Variants in NUDT3 observed in about 807,000 individuals in gnomAD.
The protein encoded by NUDT3 is diphosphoinositol polyphosphate phosphohydrolase 1.
Under a neutral mutation model 23.6 loss-of-function variants are expected in NUDT3, and 9 were observed. The ratio of observed to expected loss-of-function variants is 0.38; its 90% CI spans 0.23 to 0.66. NUDT3 has a LOEUF of 0.66. Among genes scored for constraint, NUDT3 ranks in the 30% least tolerant of loss-of-function variants. NUDT3 has a pLI of 0.52. For missense variants in NUDT3, 172 were observed against 218.5 expected (o/e 0.79, Z 1.34); for synonymous variants, 86 against 82.6 (o/e 1.04, Z -0.22).
intron 2 of NUDT3, among the ~76,000 whole-genome samples, chr6:34,336,826 G>C (rs543337574): frequency 1.3e-5 from 2 of 151,950 alleles, no homozygotes; most frequent in East Asian, 3.9e-4. Context: ...TCAACTAATT[G>C]GTATAGAGGT....
At chr6:34,382,805 T>C (rs1453539400) in intron 1 of NUDT3, among the ~76,000 whole-genome samples, 2 of 151,314 alleles carry the variant, frequency 1.3e-5, no homozygotes, top group Non-Finnish European at 2.9e-5. Flanking sequence ...CACACCAACC[T>C]GGATGACAGA....
At chr6:34,297,732 T>A (rs900283302) in intron 2 of NUDT3, among the ~76,000 whole-genome samples, 5,394 of 27,282 alleles carry the variant, frequency 0.2, 355 homozygotes, top group East Asian at 0.49. Flanking sequence ...AAAAAAAAAA[T>A]ATATATATAT....
At position 34,288,110 on chromosome 6, in the gene NUDT3, T is replaced by C. The variant is rs202236558; in HGVS notation, c.*643A>G. ...GAAATAGAGAAAGGACAGGGCAACC[T>C]GCCCAGCCACTAGCATCGAAAACAA... On this transcript the variant is annotated 3_prime_UTR_variant, in exon 5 of 5. Coordinates refer to ENST00000607016, the MANE Select transcript of NUDT3 (RefSeq NM_006703.4). 3.3e-5 allele frequency: 5 copies of C among 152,142 alleles called. No individual in the cohort carries two copies. Among genetic ancestry groups the C allele is most frequent in the Non-Finnish European group, 7.4e-5 (5 of 68,006 alleles). 9.4% of individuals were successfully genotyped at this position (152,142 alleles called of 1,614,324 possible). A position where few individuals can be genotyped will look rare whatever the true frequency, so the allele number is the denominator to read the frequency against.
intron 1 of NUDT3, among the ~76,000 whole-genome samples, chr6:34,356,690 A>C (rs572821591): frequency 2.0e-5 from 3 of 151,676 alleles, no homozygotes; most frequent in Admixed American, 2.0e-4. Context: ...TTTGGGGAAT[A>C]ATGACAAACT....
At chr6:34,347,409 C>T (rs931586110) in intron 1 of NUDT3, among the ~76,000 whole-genome samples, 5 of 152,058 alleles carry the variant, frequency 3.3e-5, no homozygotes, top group African/African-American at 7.2e-5. Context: ...GTGATATCTA[C>T]GCAGAAGTGG....
intron 2 of NUDT3, among the ~76,000 whole-genome samples, chr6:34,306,034 A>G (rs1324495422): frequency 6.6e-6 from 1 of 152,088 alleles, no homozygotes; most frequent in Non-Finnish European, 1.5e-5. Flanking sequence ...TATGTGCTCA[A>G]TCTTGTTAAT....
intron 1 of NUDT3, among the ~76,000 whole-genome samples, chr6:34,360,023 G>A (rs557714955): frequency 6.6e-6 from 1 of 152,174 alleles, no homozygotes; most frequent in Non-Finnish European, 1.5e-5. Flanking sequence ...GAGTCCAGGA[G>A]TTGGAGACCA....
At chr6:34,309,018 C>T (rs1763726537) in intron 2 of NUDT3, among the ~76,000 whole-genome samples, 1 of 152,148 alleles carries the variant, frequency 6.6e-6, no homozygotes, top group South Asian at 2.1e-4. Context: ...CTACAAGACA[C>T]ACCTTAACAA....
chr6:34,316,248 T>C (rs771118181), intron 2 of NUDT3, among the ~76,000 whole-genome samples: 1 of 152,196 alleles, frequency 6.6e-6, no homozygotes, highest in Non-Finnish European at 1.5e-5. Context: ...TGTGGACCCC[T>C]ACCAAGTCTC....
chr6:34,387,903 T>C (rs746845190), intron 1 of NUDT3, among the ~76,000 whole-genome samples: 2 of 152,182 alleles, frequency 1.3e-5, no homozygotes, highest in Non-Finnish European at 2.9e-5. Context: ...AGTGTTTCTG[T>C]AGTGTACAGT....
intron 1 of NUDT3, among the ~76,000 whole-genome samples, chr6:34,349,687 TCC>T (rs970504280): frequency 6.6e-6 from 1 of 150,618 alleles, no homozygotes; most frequent in African/African-American, 2.5e-5. Flanking sequence ...CCACCCACTA[TCC>T]ACCTTGGTAT....
intron 2 of NUDT3, among the ~76,000 whole-genome samples, chr6:34,320,542 G>A (rs1385124641): frequency 6.6e-6 from 1 of 152,066 alleles, no homozygotes; most frequent in East Asian, 1.9e-4. Context: ...CTTTTAAAAT[G>A]TTCACACTAG....
At chr6:34,305,115 T>C (rs1035190776) in intron 2 of NUDT3, among the ~76,000 whole-genome samples, 4 of 151,336 alleles carry the variant, frequency 2.6e-5, no homozygotes, top group African/African-American at 9.7e-5. Context: ...CCCTAGTAGC[T>C]GGGACTACAG....
chr6:34,359,189 C>T (rs1036053939), intron 1 of NUDT3, among the ~76,000 whole-genome samples: 2 of 152,104 alleles, frequency 1.3e-5, no homozygotes, highest in East Asian at 1.9e-4. Context: ...CTGGCTAACA[C>T]GGTGAAACCC....
rs1250567612 is a variant in NUDT3 at position 34,281,347 on chromosome 6, C to T, written c.*7406G>A. On this transcript the variant is annotated 3_prime_UTR_variant, in exon 5 of 5. Transcript: ENST00000607016. ...GTAAGTATGAAGATGCTACTACTGG[C>T]CTTCCACTTCCTCTCTCTGATACAC... is the stretch of plus-strand genomic sequence containing the variant. The T allele has an allele frequency of 1.3e-5, 2 of 152,176 alleles. No individual in the cohort carries two copies. The highest frequency in any genetic ancestry group is 4.8e-5 in the African/African-American group (2 of 41,442). The allele number at this position is 152,176 out of a possible 1,614,324, so 9.4% of individuals were successfully genotyped here. A position where few individuals can be genotyped will look rare whatever the true frequency, so the allele number is the denominator to read the frequency against.
At chr6:34,360,321 C>T (rs1327467662) in intron 1 of NUDT3, among the ~76,000 whole-genome samples, 1 of 151,616 alleles carries the variant, frequency 6.6e-6, no homozygotes, top group African/African-American at 2.4e-5. Flanking sequence ...CACCTGCAAT[C>T]CCAGCACTTT....
intron 1 of NUDT3, among the ~76,000 whole-genome samples, chr6:34,367,311 G>A (rs147627829): frequency 0.024 from 3,593 of 151,994 alleles, 64 homozygotes; most frequent in Non-Finnish European, 0.037. Flanking sequence ...GTGAAACCCC[G>A]TCCCTACAAT....
At chr6:34,300,342 C>G (rs1763580672) in intron 2 of NUDT3, among the ~76,000 whole-genome samples, 1 of 152,190 alleles carries the variant, frequency 6.6e-6, no homozygotes, top group South Asian at 2.1e-4. Context: ...TTTGCCCAGC[C>G]CACAGGCATT....
chr6:34,363,859 T>C (rs554393584), intron 1 of NUDT3, among the ~76,000 whole-genome samples: 1 of 151,824 alleles, frequency 6.6e-6, no homozygotes, highest in African/African-American at 2.4e-5. Flanking sequence ...TGCAACCTCC[T>C]CCTCCCAGGT....
Sources: allele counts gnomAD v4.1 joint callset (sites outside exome capture counted in the v4.1 genomes callset), GRCh38; gene constraint gnomAD v4.1.1; transcripts MANE v1.5; gene names NCBI Gene and HGNC (gene_info 2026-07-23, HGNC 2026-07-21).